Variants in CADPS2 observed in about 807,000 individuals in gnomAD.
CADPS2 encodes calcium-dependent secretion activator 2.
CADPS2 carries 93 observed loss-of-function variants against 172.5 expected under a neutral mutation model. The ratio of observed to expected loss-of-function variants is 0.54; its 90% CI spans 0.46 to 0.64. The LOEUF is 0.64. Ranked by LOEUF, CADPS2 falls within the 30% of genes least tolerant of loss-of-function variation. The pLI is 0.00. For synonymous variants in CADPS2, 546 were observed against 555.2 expected (o/e 0.98, Z 0.23); for missense variants, 1,420 against 1,565.9 (o/e 0.91, Z 1.57).
At chr7:122,830,836 T>A (rs1806327186) in intron 1 of CADPS2, among the ~76,000 whole-genome samples, 1 of 152,172 alleles carries the variant, frequency 6.6e-6, no homozygotes, top group African/African-American at 2.4e-5. Flanking sequence ...ATGCTTTCCA[T>A]CTGCAAATCT....
chr7:122,634,146 T>C (rs1412981108), intron 3 of CADPS2, among the ~76,000 whole-genome samples: 1 of 152,172 alleles, frequency 6.6e-6, no homozygotes, highest in Non-Finnish European at 1.5e-5. Context: ...TATTTCATTG[T>C]GTCTCTTCCA....
intron 1 of CADPS2, among the ~76,000 whole-genome samples, chr7:122,813,909 T>C (rs549850209): frequency 1.6e-4 from 25 of 152,100 alleles, no homozygotes; most frequent in Non-Finnish European, 3.1e-4. Context: ...ACCAGAGAGA[T>C]GTGAGGGCTG....
At chr7:122,837,631 T>C (rs942918451) in intron 1 of CADPS2, among the ~76,000 whole-genome samples, 1 of 152,076 alleles carries the variant, frequency 6.6e-6, no homozygotes, top group Non-Finnish European at 1.5e-5. Context: ...CAAACTACCA[T>C]CAGAGAATAC....
At chr7:122,789,169 G>A (rs761066142) in intron 1 of CADPS2, among the ~76,000 whole-genome samples, 2 of 152,140 alleles carry the variant, frequency 1.3e-5, no homozygotes, top group Non-Finnish European at 2.9e-5. Context: ...GGGAATGTCA[G>A]CAGAGGAGTA....
At position 122,727,833 on chromosome 7, in the gene CADPS2, A is replaced by G. The variant is rs796831811; in HGVS notation, c.453+9122T>C. On this transcript the variant is annotated intron_variant, in intron 2 of 29. Transcript: ENST00000449022. ...TACTCAACACTTAATTTAAAATGCC[A>G]TCCTTAGAATATAAGAAAATATGAA... is the stretch of plus-strand genomic sequence containing the variant. Among the ~76,000 whole-genome samples the G allele has an allele frequency of 5.9e-5, 9 of 151,956 alleles. No individual in the cohort carries two copies. The South Asian group carries it at 1.9e-3, about 31-fold the overall frequency.
At chr7:122,813,809 T>C (rs1488302859) in intron 1 of CADPS2, among the ~76,000 whole-genome samples, 2 of 152,112 alleles carry the variant, frequency 1.3e-5, no homozygotes, top group South Asian at 2.1e-4. Flanking sequence ...TATATTTATT[T>C]TTAAACCATA....
chr7:122,354,737 C>A (rs1317958820), intron 27 of CADPS2, among the ~76,000 whole-genome samples: 3 of 152,142 alleles, frequency 2.0e-5, no homozygotes, highest in African/African-American at 7.2e-5. Flanking sequence ...AGGACAGACT[C>A]ACCTAGTCCA....
chr7:122,477,572 C>A (rs79265584), intron 12 of CADPS2, among the ~76,000 whole-genome samples: 3,841 of 149,132 alleles, frequency 0.026, 147 homozygotes, highest in African/African-American at 0.09. Flanking sequence ...AACAAAAAAC[C>A]AAAAACTGTA....
chr7:122,499,303 T>C (rs552981621), intron 9 of CADPS2, among the ~76,000 whole-genome samples: 3 of 152,200 alleles, frequency 2.0e-5, no homozygotes, highest in Non-Finnish European at 4.4e-5. Flanking sequence ...CTTCTTTCTC[T>C]GCATGAGCAA....
At chr7:122,490,427 C>A in intron 10 of CADPS2, 146 bp from the exon 11 acceptor site, 1 of 640,996 alleles carries the variant, frequency 1.6e-6, no homozygotes, top group South Asian at 2.1e-5. Flanking sequence ...GGATCAAATC[C>A]ACAATCAAAG....
chr7:122,738,909 T>C (rs1184776508), intron 1 of CADPS2, among the ~76,000 whole-genome samples: 1 of 150,258 alleles, frequency 6.7e-6, no homozygotes, highest in African/African-American at 2.5e-5. Flanking sequence ...GACCATTCCA[T>C]CTCTTTACTA....
rs555651882 is a variant in CADPS2 at position 122,401,350 on chromosome 7, T to G, written c.2746+6190A>C. On this transcript the variant is annotated intron_variant, in intron 20 of 29. Transcript: ENST00000449022. ...AAGCAGCACCGTGGTATTTTTCAGT[T>G]GGGAACCAGTTCCCAATAGAATGGT... Among the ~76,000 whole-genome samples the G allele has an allele frequency of 2.0e-5, 3 of 152,342 alleles. No homozygotes were observed. In the South Asian group the frequency reaches 6.2e-4, roughly 32 times the overall value.
chr7:122,722,205 G>GAGAA (rs2090499867), intron 2 of CADPS2, among the ~76,000 whole-genome samples: 1 of 151,996 alleles, frequency 6.6e-6, no homozygotes, highest in Non-Finnish European at 1.5e-5. Flanking sequence ...AATCAGGCAG[G>GAGAA]AGAAAGAAAG....
chr7:122,320,123 T>C lies in CADPS2; in HGVS notation c.*42A>G. On this transcript the variant is annotated 3_prime_UTR_variant, in exon 30 of 30. Transcript: ENST00000449022. ...ACAAGGTTAAAAAAATAAAAAACAA[T>C]GTCGATCAAGGTCTTCCTTCCTTCT... 3 of 1,477,492 alleles carry C rather than the reference T, an allele frequency of 2.0e-6. No individual in the cohort carries two copies. Among genetic ancestry groups the C allele is most frequent in the Non-Finnish European group, 2.7e-6 (3 of 1,108,332 alleles). The allele number at this position is 1,477,492 out of a possible 1,614,324, so 91.5% of individuals were successfully genotyped here. A position where few individuals can be genotyped will look rare whatever the true frequency, so the allele number is the denominator to read the frequency against.
intron 1 of CADPS2, among the ~76,000 whole-genome samples, chr7:122,827,512 A>G (rs1805268233): frequency 6.6e-6 from 1 of 151,634 alleles, no homozygotes; most frequent in South Asian, 2.1e-4. Context: ...CACACATATA[A>G]TCCCAGCTAC....
intron 17 of CADPS2, among the ~76,000 whole-genome samples, chr7:122,423,686 T>G (rs1299502855): frequency 6.6e-6 from 1 of 152,202 alleles, no homozygotes; most frequent in East Asian, 1.9e-4. Context: ...ATGGAGTACC[T>G]TCAGTATAGA....
chr7:122,620,569 T>C (rs1035150336), intron 5 of CADPS2, among the ~76,000 whole-genome samples: 1 of 152,186 alleles, frequency 6.6e-6, no homozygotes, highest in African/African-American at 2.4e-5. Context: ...TGGTTCCCAG[T>C]GATTTGCATA....
chr7:122,759,160 A>C (rs2093286285), intron 1 of CADPS2, among the ~76,000 whole-genome samples: 1 of 152,158 alleles, frequency 6.6e-6, no homozygotes, highest in Non-Finnish European at 1.5e-5. Flanking sequence ...TTTAGCAGCC[A>C]TTGCCAAAAT....
At chr7:122,633,357 C>A (rs1451433542) in intron 3 of CADPS2, among the ~76,000 whole-genome samples, 2 of 152,024 alleles carry the variant, frequency 1.3e-5, no homozygotes, top group African/African-American at 4.8e-5. Flanking sequence ...TTTATGTCAT[C>A]TTTGTCATTT....
Sources: gnomAD v4.1 joint callset for allele counts (sites outside exome capture counted in the v4.1 genomes callset) on GRCh38, gnomAD v4.1.1 for gene constraint, MANE v1.5 for transcripts, NCBI Gene and HGNC (gene_info 2026-07-23, HGNC 2026-07-21) for gene names.